Variants in JAKMIP1 observed in about 807,000 individuals in gnomAD.
JAKMIP1 encodes the protein janus kinase and microtubule interacting protein 1, also known as janus kinase and microtubule-interacting protein 1.
Under a neutral mutation model 113.0 loss-of-function variants are expected in JAKMIP1, and 33 were observed. That is an observed-to-expected ratio of 0.29 (90% CI 0.22 to 0.39). The LOEUF is 0.39. Ranked by LOEUF, JAKMIP1 falls within the 10% of genes least tolerant of loss-of-function variation. The probability of loss-of-function intolerance (pLI) is 1.00; values close to 1 mark genes in which losing one functional copy is unlikely to be tolerated. For missense variants in JAKMIP1, 813 were observed against 1,080.5 expected (o/e 0.75, Z 3.47); for synonymous variants, 480 against 459.9 (o/e 1.04, Z -0.56).
At chr4:6,177,847 G>A (rs74729992) in intron 1 of JAKMIP1, among the ~76,000 whole-genome samples, 237 of 152,264 alleles carry the variant, frequency 1.6e-3, no homozygotes, top group African/African-American at 5.1e-3. Flanking sequence ...CTCTGCACAC[G>A]CTGCAGGCTG....
chr4:6,032,268 C>T (rs575620362), intron 19 of JAKMIP1, among the ~76,000 whole-genome samples: 25 of 152,316 alleles, frequency 1.6e-4, no homozygotes, highest in Non-Finnish European at 7.3e-5. Flanking sequence ...CCAGGAACAA[C>T]TTCTGGGCTT....
chr4:6,189,074 A>G (rs1326759299), intron 1 of JAKMIP1, among the ~76,000 whole-genome samples: 1 of 152,238 alleles, frequency 6.6e-6, no homozygotes, highest in Non-Finnish European at 1.5e-5. Context: ...CAGTCCTGCC[A>G]ACATCCAGAA....
chr4:6,181,279 A>G lies in JAKMIP1; in HGVS notation c.-148+18974T>C, dbSNP rs1359190318. On this transcript the variant is annotated intron_variant, in intron 1 of 20. Coordinates refer to ENST00000409021, the MANE Select transcript of JAKMIP1 (RefSeq NM_001099433.2). This position sits in a 1 kb window ranked among gnomAD's most constrained non-coding sequence, Gnocchi z 5.4. ...CTTCCTCTCAAGAAAGCAGTTCCAG[A>G]AAGGGTGGAGGGGAGGGTCATGCTG... 1.3e-5 allele frequency among the ~76,000 whole-genome samples: 2 copies of G among 152,158 alleles called. No individual in the cohort carries two copies. Among genetic ancestry groups the G allele is most frequent in the Admixed American group, 1.3e-4 (2 of 15,276 alleles).
At chr4:6,121,525 T>C (rs903706696) in intron 1 of JAKMIP1, among the ~76,000 whole-genome samples, 1 of 152,236 alleles carries the variant, frequency 6.6e-6, no homozygotes, top group African/African-American at 2.4e-5. Flanking sequence ...ACTACAAAAC[T>C]GCACGACTAA....
At position 6,080,334 on chromosome 4, in the gene JAKMIP1, C is replaced by T. The variant is rs1360704470; in HGVS notation, c.1102-22G>A. On this transcript the variant is annotated intron_variant, in intron 6 of 20. Transcript: ENST00000409021. This position sits in a 1 kb window ranked among gnomAD's most constrained non-coding sequence, Gnocchi z 6.0. ...CTTTCTGCAGCCACAGGGAGACAGA[C>T]CACCACAGGGTTACCCGCCAACAGT... The T allele has an allele frequency of 6.2e-7, 1 of 1,611,574 alleles. No individual in the cohort carries two copies. The highest frequency in any genetic ancestry group is 8.5e-7 in the Non-Finnish European group (1 of 1,178,684).
intron 1 of JAKMIP1, among the ~76,000 whole-genome samples, chr4:6,144,973 A>G (rs907566320): frequency 7.2e-5 from 11 of 152,260 alleles, no homozygotes; most frequent in Non-Finnish European, 1.3e-4. Context: ...TGTATATAGA[A>G]AATGCTAAGG....
intron 1 of JAKMIP1, among the ~76,000 whole-genome samples, chr4:6,125,989 A>T (rs1273182193): frequency 2.0e-5 from 3 of 149,580 alleles, no homozygotes; most frequent in African/African-American, 7.4e-5. Flanking sequence ...AGAAACACAC[A>T]CACACACCAT....
At position 6,027,966 on chromosome 4, in the gene JAKMIP1, C is replaced by T. The variant is rs372486483; in HGVS notation, c.2446-1688G>A. Among the ~76,000 whole-genome samples the T allele has an allele frequency of 2.8e-4, 43 of 152,328 alleles. No homozygotes were observed. In the South Asian group the frequency reaches 8.5e-3, roughly 30 times the overall value. Reference sequence around the variant, plus strand: ...AGAACCGGTGCTGCCAGTCCACACGCCTTGCCTGGGCCCTGGGCTGCGAAC... The same window carrying T: ...AGAACCGGTGCTGCCAGTCCACACGTCTTGCCTGGGCCCTGGGCTGCGAAC... On this transcript the variant is annotated intron_variant, in intron 20 of 20. Coordinates refer to ENST00000409021, the MANE Select transcript of JAKMIP1 (RefSeq NM_001099433.2).
At chr4:6,148,094 G>A (rs559814289) in intron 1 of JAKMIP1, among the ~76,000 whole-genome samples, 1 of 152,300 alleles carries the variant, frequency 6.6e-6, no homozygotes, top group African/African-American at 2.4e-5. Flanking sequence ...AATAGCGAGT[G>A]CAGAAGTGAA....
intron 18 of JAKMIP1, among the ~76,000 whole-genome samples, chr4:6,039,080 G>A (rs1168153844): frequency 3.3e-5 from 5 of 152,244 alleles, no homozygotes; most frequent in Non-Finnish European, 7.3e-5. Context: ...ATCCCACTGG[G>A]AGCACAGTGC....
intron 8 of JAKMIP1, among the ~76,000 whole-genome samples, chr4:6,074,965 T>C (rs1433517741): frequency 6.6e-6 from 1 of 152,236 alleles, no homozygotes; most frequent in Non-Finnish European, 1.5e-5. Context: ...GCAAGTATAC[T>C]TCATGATGTT....
At position 6,106,559 on chromosome 4, in the gene JAKMIP1, CCTCT is replaced by C. The variant is rs1010230696; in HGVS notation, c.130-596_130-593del. Among the ~76,000 whole-genome samples the C allele has an allele frequency of 3.4e-5, 5 of 148,414 alleles. No homozygotes were observed. In the South Asian group the frequency reaches 1.1e-3, roughly 32 times the overall value. ...TCTCTCCTCTCTCTCTCTCTCTCTT[CCTCT>C]CTCTCTCCTCTGTTTTATCATGAGG... On this transcript the variant is annotated intron_variant, in intron 2 of 20. Transcript: ENST00000409021. The surrounding 1 kb of genome is among the most constrained non-coding windows in gnomAD (Gnocchi z 5.9).
In JAKMIP1 at chr4:6,065,091, C is replaced by G; in HGVS notation, c.1303-83G>C. The G allele has an allele frequency of 6.5e-7, 1 of 1,547,862 alleles. No homozygotes were observed. The highest frequency in any genetic ancestry group is 8.9e-7 in the Non-Finnish European group (1 of 1,128,500). ...GTCCCTGGTCGTGGGCATGCCAGTG[C>G]AGGGGGGTGATGATTGACATTTGGG... On this transcript the variant is annotated intron_variant, in intron 8 of 20. Transcript: ENST00000409021. This position sits in a 1 kb window ranked among gnomAD's most constrained non-coding sequence, Gnocchi z 5.1.
chr4:6,099,928 C>G (rs1712722510), intron 3 of JAKMIP1, among the ~76,000 whole-genome samples: 1 of 152,186 alleles, frequency 6.6e-6, no homozygotes, highest in African/African-American at 2.4e-5. Flanking sequence ...TGCTCCACGT[C>G]CTTGCCATTT....
chr4:6,042,250 C>A lies in JAKMIP1; in HGVS notation c.2029-23G>T, dbSNP rs201904901. 4.4e-6 allele frequency: 7 copies of A among 1,604,436 alleles called. No individual in the cohort carries two copies. Among genetic ancestry groups the A allele is most frequent in the Non-Finnish European group, 6.0e-6 (7 of 1,171,710 alleles). The stretch of plus-strand genomic sequence containing the variant: ...CCACTAGAAAACAGCAGGGACAGGA[C>A]GGGTGCAGCAAAGTGAGAGTCAGAA... On this transcript the variant is annotated intron_variant, in intron 16 of 20. Transcript: ENST00000409021. This position sits in a 1 kb window ranked among gnomAD's most constrained non-coding sequence, Gnocchi z 5.2.
At position 6,162,966 on chromosome 4, in the gene JAKMIP1, G is replaced by A. The variant is rs1330786514; in HGVS notation, c.-148+37287C>T. Among the ~76,000 whole-genome samples, 3 of 152,232 alleles carry A rather than the reference G, an allele frequency of 2.0e-5. No individual in the cohort carries two copies. The highest frequency in any genetic ancestry group is 4.8e-5 in the African/African-American group (2 of 41,464). On this transcript the variant is annotated intron_variant, in intron 1 of 20. Transcript: ENST00000409021. This position sits in a 1 kb window ranked among gnomAD's most constrained non-coding sequence, Gnocchi z 5.6. ...CATGTGAGGCCACAGCATCAGACAC[G>A]GGAAGATGCTGGGAACATCTGGTTC... is the stretch of plus-strand genomic sequence containing the variant.
At chr4:6,075,771 A>C (rs1719613507) in intron 8 of JAKMIP1, among the ~76,000 whole-genome samples, 1 of 152,228 alleles carries the variant, frequency 6.6e-6, no homozygotes, top group South Asian at 2.1e-4. Context: ...AACAGGCCAC[A>C]GTGGGCAGGA....
intron 8 of JAKMIP1, among the ~76,000 whole-genome samples, chr4:6,068,727 T>C (rs1467195867): frequency 6.6e-6 from 1 of 151,896 alleles, no homozygotes; most frequent in Non-Finnish European, 1.5e-5. Flanking sequence ...CTGGCTAATT[T>C]TTGTACATAT....
intron 2 of JAKMIP1, among the ~76,000 whole-genome samples, chr4:6,107,274 C>T (rs1364722999): frequency 6.6e-6 from 1 of 152,178 alleles, no homozygotes; most frequent in African/African-American, 2.4e-5. Context: ...ACAGTCAAGT[C>T]CCTGGTTAAT....
Sources: allele counts gnomAD v4.1 joint callset (sites outside exome capture counted in the v4.1 genomes callset), GRCh38; gene constraint gnomAD v4.1.1; non-coding constraint Gnocchi (gnomAD v3.1); transcripts MANE v1.5; gene names NCBI Gene and HGNC (gene_info 2026-07-23, HGNC 2026-07-21).